Variants in KIF21A observed in about 807,000 individuals in gnomAD.
The protein encoded by KIF21A is kinesin-like protein KIF21A.
Under a neutral mutation model 202.9 loss-of-function variants are expected in KIF21A, and 114 were observed. That is an observed-to-expected ratio of 0.56 (90% CI 0.48 to 0.66). The LOEUF (loss-of-function observed/expected upper bound fraction) is 0.66, where lower values mean the gene tolerates loss of function less well. Ranked by LOEUF, KIF21A falls within the 30% of genes least tolerant of loss-of-function variation. The pLI is 0.00. For missense variants in KIF21A, 1,677 were observed against 1,994.9 expected (o/e 0.84, Z 3.04); for synonymous variants, 667 against 670.8 (o/e 0.99, Z 0.09).
chr12:39,391,199 T>C lies in KIF21A; in HGVS notation c.45-20938A>G, dbSNP rs1212220870. Among the ~76,000 whole-genome samples, 3 of 152,210 alleles carry C rather than the reference T, an allele frequency of 2.0e-5. No homozygotes were observed. The South Asian group carries it at 6.2e-4, about 32-fold the overall frequency. On this transcript the variant is annotated intron_variant, in intron 1 of 37. Coordinates refer to ENST00000361418, the MANE Select transcript of KIF21A (RefSeq NM_001173464.2). Reference sequence around the variant, plus strand: ...AATCTATTTGGTTCCTGAGCTTAGATAGAGTTTCAATAACAAGCTCTAATA... The same window carrying C: ...AATCTATTTGGTTCCTGAGCTTAGACAGAGTTTCAATAACAAGCTCTAATA...
At chr12:39,382,963 G>A (rs981420417) in intron 1 of KIF21A, among the ~76,000 whole-genome samples, 3 of 152,172 alleles carry the variant, frequency 2.0e-5, no homozygotes, top group African/African-American at 7.2e-5. Context: ...CAGAAATGGA[G>A]AATACAAACA....
intron 11 of KIF21A, among the ~76,000 whole-genome samples, chr12:39,347,975 A>G (rs973756173): frequency 1.3e-5 from 2 of 152,102 alleles, no homozygotes; most frequent in Non-Finnish European, 2.9e-5. Context: ...ATAACGAGCT[A>G]CAATGGCTCA....
rs139879235 is a variant in KIF21A, at chr12:39,341,592, C to T, written c.1834G>A (p.Asp612Asn). Residue 612 changes from aspartate (D) to asparagine (N), a missense_variant, in exon 14 of 38, where the codon GAT becomes AAT. This residue lies in a region of KIF21A where 966 missense variants were observed against 1,180.9 expected (regional missense o/e 0.82). Transcript: ENST00000361418. Reference protein sequence around the residue: ...EESQEVSDHEDEEEEEEEEED... With the variant: ...EESQEVSDHENEEEEEEEEED... The stretch of plus-strand genomic sequence containing the variant: ...TCCTCCTCCTCCTCCTCTTCTTCAT[C>T]CTCATGATCACTCACTTCTTGACTT... The T allele has an allele frequency of 3.0e-5, 48 of 1,610,678 alleles. No homozygotes were observed. The African/African-American group carries it at 5.6e-4, about 19-fold the overall frequency.
chr12:39,432,617 CTT>C (rs200987357), intron 1 of KIF21A, among the ~76,000 whole-genome samples: 3 of 144,928 alleles, frequency 2.1e-5, no homozygotes, highest in Non-Finnish European at 4.6e-5. Flanking sequence ...TGGACAAATT[CTT>C]TTTTTTTTTT....
intron 1 of KIF21A, among the ~76,000 whole-genome samples, chr12:39,431,574 C>T (rs983893855): frequency 6.6e-6 from 1 of 152,018 alleles, no homozygotes; most frequent in African/African-American, 2.4e-5. Context: ...GAGGACTGAC[C>T]CAGAAACTCA....
chr12:39,351,421 T>C (rs563449203), intron 11 of KIF21A, among the ~76,000 whole-genome samples: 1 of 152,014 alleles, frequency 6.6e-6, no homozygotes, highest in East Asian at 1.9e-4. Flanking sequence ...CATTAGGAAA[T>C]GGGGAAAAAA....
intron 21 of KIF21A, 106 bp from the exon 22 acceptor site, chr12:39,331,897 A>G (rs1946540807): frequency 2.3e-6 from 2 of 864,054 alleles, no homozygotes; most frequent in Non-Finnish European, 3.9e-6. Flanking sequence ...TTAGCTAATG[A>G]GATGCTCAGA....
intron 1 of KIF21A, among the ~76,000 whole-genome samples, chr12:39,377,233 T>A (rs1392960169): frequency 6.6e-6 from 1 of 152,156 alleles, no homozygotes; most frequent in Non-Finnish European, 1.5e-5. Flanking sequence ...TCTGTACAGG[T>A]CTTTTGCCTT....
chr12:39,366,801 A>G (rs1330037464), intron 5 of KIF21A, among the ~76,000 whole-genome samples: 2 of 152,238 alleles, frequency 1.3e-5, no homozygotes, highest in East Asian at 3.8e-4. Flanking sequence ...GATGACATCC[A>G]ACAACATATG....
At chr12:39,357,116 A>T in intron 9 of KIF21A, 132 bp downstream of exon 9, 1 of 764,004 alleles carries the variant, frequency 1.3e-6, no homozygotes, top group Non-Finnish European at 2.2e-6. Context: ...TAGGTATTTA[A>T]CTTAAAACCA....
At chr12:39,335,882 C>T (rs1946920429) in intron 17 of KIF21A, among the ~76,000 whole-genome samples, 1 of 152,200 alleles carries the variant, frequency 6.6e-6, no homozygotes, top group Non-Finnish European at 1.5e-5. Flanking sequence ...GGGGAGTCAT[C>T]TGGACAAAAT....
intron 1 of KIF21A, among the ~76,000 whole-genome samples, chr12:39,420,073 G>GT (rs1954120600): frequency 2.1e-4 from 7 of 33,928 alleles, no homozygotes; most frequent in African/African-American, 1.1e-3. Context: ...AAGACAGAAA[G>GT]TAAAAAAAAA....
intron 1 of KIF21A, among the ~76,000 whole-genome samples, chr12:39,421,765 A>ATTTATATATAAAAATAAAATATGTATAAT (rs1954296479): frequency 6.8e-6 from 1 of 146,030 alleles, no homozygotes; most frequent in African/African-American, 2.5e-5. Context: ...ATATATATTT[A>ATTTATATATAAAAATAAAATATGTATAAT]TTTATATATA....
intron 1 of KIF21A, among the ~76,000 whole-genome samples, chr12:39,400,236 G>C (rs1015538319): frequency 4.6e-5 from 7 of 152,210 alleles, no homozygotes; most frequent in African/African-American, 1.7e-4. Flanking sequence ...AGAGCTGAGA[G>C]TCCAAGATCT....
intron 31 of KIF21A, chr12:39,312,624 T>G (rs1164658495): frequency 6.6e-6 from 1 of 152,016 alleles, no homozygotes; most frequent in African/African-American, 2.4e-5. Context: ...AAACATCTCA[T>G]GTACTCCATA....
intron 26 of KIF21A, among the ~76,000 whole-genome samples, chr12:39,324,530 A>G (rs796095660): frequency 5.9e-5 from 9 of 152,382 alleles, no homozygotes; most frequent in African/African-American, 1.4e-4. Context: ...TGCGAAGCCA[A>G]TAGCTCAAAG....
chr12:39,411,192 C>T (rs557752510), intron 1 of KIF21A, among the ~76,000 whole-genome samples: 1 of 152,286 alleles, frequency 6.6e-6, no homozygotes, highest in East Asian at 1.9e-4. Flanking sequence ...ATCCTAAAGT[C>T]TTATTTAATA....
Position 39,367,105 on chromosome 12 carries a change from A to G in KIF21A, c.660T>C (p.Asn220=), listed in dbSNP as rs147240920. The G allele has an allele frequency of 3.7e-6, 6 of 1,613,808 alleles. No homozygotes were observed. In the African/African-American group the frequency reaches 5.3e-5, roughly 14 times the overall value. Residue 220 remains asparagine, a synonymous_variant, in exon 5 of 38, where the codon AAT becomes AAC. Coordinates refer to ENST00000361418, the MANE Select transcript of KIF21A (RefSeq NM_001173464.2). ...LSRTTASTQM[N]VQSSRSHAIF... ...TGGCATGTGAACGAGAGCTCTGAAC[A>G]TTCATCTGGGTACTGGCAGTTGTCC...
chr12:39,381,369 T>C (rs1344916152), intron 1 of KIF21A, among the ~76,000 whole-genome samples: 2 of 151,528 alleles, frequency 1.3e-5, no homozygotes, highest in Admixed American at 1.3e-4. Context: ...TCTATAATGA[T>C]AGTAATACAT....
Sources: allele counts gnomAD v4.1 joint callset (sites outside exome capture counted in the v4.1 genomes callset), GRCh38; gene constraint gnomAD v4.1.1; regional missense constraint gnomAD v4.1.1; transcripts MANE v1.5; gene names NCBI Gene and HGNC (gene_info 2026-07-23, HGNC 2026-07-21).